MRO: variants seen among roughly 807,000 people sequenced by gnomAD.
MRO encodes maestro, also known as protein maestro.
MRO carries 28 observed loss-of-function variants against 31.0 expected under a neutral mutation model. That is an observed-to-expected ratio of 0.90 (90% CI 0.67 to 1.24). MRO has a LOEUF of 1.24. Among genes scored for constraint, MRO ranks in the 50% most tolerant of loss-of-function variants. The pLI, the probability that MRO is intolerant of heterozygous loss-of-function variation, is 0.00. For synonymous variants in MRO, 108 were observed against 108.4 expected (o/e 1.00, Z 0.02); for missense variants, 332 against 289.2 (o/e 1.15, Z -1.07).
Position 50,806,702 on chromosome 18 carries a change from A to T in MRO, c.246+2T>A. The T allele has an allele frequency of 6.2e-7, 1 of 1,614,008 alleles. No homozygotes were observed. On this transcript the variant is annotated splice_donor_variant, in intron 4 of 7. Transcript: ENST00000398439. LOFTEE classifies it high-confidence loss of function. ...TGGCTGAGCCCCACTCTCCTTCCCT[A>T]CCTTGTCAGGGGCTTCATAGGCCAT...
chr18:50,800,625 C>G (rs1468685986), intron 6 of MRO, among the ~76,000 whole-genome samples: 3 of 152,164 alleles, frequency 2.0e-5, no homozygotes, highest in African/African-American at 7.2e-5. Flanking sequence ...TGGCTCACGC[C>G]TATAATCCCA....
chr18:50,803,684 C>G (rs1913633086), intron 5 of MRO, among the ~76,000 whole-genome samples: 1 of 152,228 alleles, frequency 6.6e-6, no homozygotes, highest in Non-Finnish European at 1.5e-5. Flanking sequence ...GCAAAAATCC[C>G]TCTGTGTCTC....
At chr18:50,816,673 C>T (rs1036632972) in intron 2 of MRO, among the ~76,000 whole-genome samples, 9 of 149,616 alleles carry the variant, frequency 6.0e-5, no homozygotes, top group Admixed American at 2.7e-4. Context: ...AATATTTGTA[C>T]GCTTGCAACG....
Position 50,807,870 on chromosome 18 carries a change from G to A in MRO, c.100-1020C>T, listed in dbSNP as rs1345836962. Among the ~76,000 whole-genome samples the A allele has an allele frequency of 3.3e-5, 5 of 152,244 alleles. 1 individual carries two copies. The highest frequency in any genetic ancestry group is 5.9e-5 in the Non-Finnish European group (4 of 68,046). ...AGGCAGGCGGATCGCCTGAGGTCAG[G>A]AGTTCGAGACTAGCCTGGCCAACAT... is the stretch of plus-strand genomic sequence containing the variant. On this transcript the variant is annotated intron_variant, in intron 3 of 7. Coordinates refer to ENST00000398439, the MANE Select transcript of MRO (RefSeq NM_031939.6).
chr18:50,805,951 A>G (rs945783894), intron 4 of MRO, among the ~76,000 whole-genome samples: 14 of 151,400 alleles, frequency 9.2e-5, no homozygotes, highest in African/African-American at 1.7e-4. Context: ...TTTACATTGC[A>G]TAAGACTCTA....
rs771069303 is a variant in MRO, at chr18:50,800,051, C to T, written c.678G>A (p.Lys226=). 6 of 1,612,866 alleles carry T rather than the reference C, an allele frequency of 3.7e-6. No homozygotes were observed. In the South Asian group the frequency reaches 4.4e-5, roughly 12 times the overall value. ...FQSEEDQRNT[K]LYQQLSHYHP... Reference sequence around the variant, plus strand: ...GCTCACTCACCAGCTGCTGGTAGAGCTTAGTGTTCCTTTGATCTTCTTCAC... The same window carrying T: ...GCTCACTCACCAGCTGCTGGTAGAGTTTAGTGTTCCTTTGATCTTCTTCAC... Residue 226 remains lysine (K), a synonymous_variant, in exon 7 of 8, where the codon AAG becomes AAA. Coordinates refer to ENST00000398439, the MANE Select transcript of MRO (RefSeq NM_031939.6).
chr18:50,803,022 T>C (rs546584809), intron 5 of MRO, among the ~76,000 whole-genome samples: 3 of 152,002 alleles, frequency 2.0e-5, no homozygotes, highest in Non-Finnish European at 2.9e-5. Context: ...GTAAGACAGA[T>C]GCTCGCCCCG....
upstream of MRO, among the ~76,000 whole-genome samples, chr18:50,821,762 T>C (rs964172555): frequency 1.1e-4 from 17 of 152,226 alleles, 2 homozygotes; most frequent in Admixed American, 1.0e-3. Context: ...AGAACTAATA[T>C]GCAGATAAAT....
intron 3 of MRO, 40 bp from the exon 4 acceptor site, chr18:50,806,890 CAG>C: frequency 6.2e-7 from 1 of 1,601,036 alleles, no homozygotes; most frequent in South Asian, 1.1e-5. Context: ...TGGGAGTGTT[CAG>C]AGTCATACCA....
chr18:50,805,488 A>AT (rs1222825073), intron 4 of MRO, 152 bp from the exon 5 acceptor site: 13 of 644,528 alleles, frequency 2.0e-5, no homozygotes, highest in Non-Finnish European at 3.4e-5. Context: ...TAAAATACAA[A>AT]TGCTTCCATT....
In MRO at chr18:50,801,362, G is replaced by T. The variant is rs777638645; in HGVS notation, c.572C>A (p.Pro191His). The change falls in exon 6 of 8, where the codon CCC (proline) becomes CAC (histidine). Residue 191 changes from proline (P) to histidine (H), a missense_variant. By Grantham distance (77) the Pro-to-His change is moderately conservative. Coordinates refer to ENST00000398439, the MANE Select transcript of MRO (RefSeq NM_031939.6). Reference sequence around the variant, plus strand: ...TCAAGGTCTTACCTTGGCAACCTGGGGATTTCTGTCCTGTAAATGGATCAG... The same window carrying T: ...TCAAGGTCTTACCTTGGCAACCTGGTGATTTCTGTCCTGTAAATGGATCAG... ...SLLIHLQDRN[P>H]QVAKACKTTF... is the part of the protein sequence containing the mutation. 1 of 1,583,786 alleles carries T rather than the reference G, an allele frequency of 6.3e-7. No homozygotes were observed. Among genetic ancestry groups the T allele is most frequent in the East Asian group, 2.3e-5 (1 of 44,408 alleles).
chr18:50,802,499 G>A (rs1913438864), intron 5 of MRO, among the ~76,000 whole-genome samples: 2 of 152,114 alleles, frequency 1.3e-5, no homozygotes, highest in African/African-American at 4.8e-5. Flanking sequence ...GACTCATGGT[G>A]CACGGGTTTT....
At chr18:50,801,254 T>A in intron 6 of MRO, 95 bp downstream of exon 6, 1 of 1,126,200 alleles carries the variant, frequency 8.9e-7, no homozygotes, top group South Asian at 1.7e-5. Flanking sequence ...ACAGCAGTGC[T>A]GGCAGGAACC....
At chr18:50,821,001 A>G (rs1915281959), upstream of MRO, among the ~76,000 whole-genome samples, 1 of 152,234 alleles carries the variant, frequency 6.6e-6, no homozygotes, top group Admixed American at 6.5e-5. Context: ...TGAGGACACA[A>G]TTTCAATAGA....
At position 50,797,142 on chromosome 18, in the gene MRO, G is replaced by A. The variant is rs1402500847; in HGVS notation, c.*2195C>T. The stretch of plus-strand genomic sequence containing the variant: ...TGACACAGGCTTGATGGAGACGCTC[G>A]TCTCTTTTCCGTATGGTGTCAGCTG... On this transcript the variant is annotated 3_prime_UTR_variant, in exon 8 of 8. Coordinates refer to ENST00000398439, the MANE Select transcript of MRO (RefSeq NM_031939.6). 1.3e-5 allele frequency: 2 copies of A among 152,152 alleles called. No homozygotes were observed. The highest frequency in any genetic ancestry group is 2.9e-5 in the Non-Finnish European group (2 of 68,012). The allele number at this position is 152,152 out of a possible 1,614,324, so 9.4% of individuals were successfully genotyped here. A position where few individuals can be genotyped will look rare whatever the true frequency, so the allele number is the denominator to read the frequency against.
At chr18:50,810,393 A>G (rs1319381874) in intron 2 of MRO, among the ~76,000 whole-genome samples, 1 of 152,224 alleles carries the variant, frequency 6.6e-6, no homozygotes, top group East Asian at 1.9e-4. Context: ...GTGCAAATCC[A>G]TGTGTACAGT....
chr18:50,823,052 G>A (rs1268093497), upstream of MRO, among the ~76,000 whole-genome samples: 3 of 152,076 alleles, frequency 2.0e-5, no homozygotes, highest in Non-Finnish European at 4.4e-5. Flanking sequence ...CTACTCCTGC[G>A]CTTAGTGAAA....
Position 50,796,398 on chromosome 18 carries a change from T to TA in MRO, c.*2938dup, listed in dbSNP as rs10681213. The TA allele has an allele frequency of 0.35, 52,521 of 148,106 alleles. 10,218 individuals are homozygous for TA. The highest frequency in any genetic ancestry group is 0.46 in the Admixed American group (6,875 of 14,914). 9.2% of individuals were successfully genotyped at this position (148,106 alleles called of 1,614,324 possible). A position where few individuals can be genotyped will look rare whatever the true frequency, so the allele number is the denominator to read the frequency against. ...CTTCTGTAGTTTCAATCTAACAGGA[T>TA]AAAAAAAAAAACATAAAGCCATATA... On this transcript the variant is annotated 3_prime_UTR_variant, in exon 8 of 8. Transcript: ENST00000398439.
At chr18:50,803,494 G>C (rs149139724) in intron 5 of MRO, among the ~76,000 whole-genome samples, 4 of 150,768 alleles carry the variant, frequency 2.7e-5, no homozygotes, top group Non-Finnish European at 5.9e-5. Context: ...GCAATACAGC[G>C]AGACCCTGTC....
Sources: gnomAD v4.1 joint callset for allele counts (sites outside exome capture counted in the v4.1 genomes callset) on GRCh38, gnomAD v4.1.1 for gene constraint, MANE v1.5 for transcripts, NCBI Gene and HGNC (gene_info 2026-07-23, HGNC 2026-07-21) for gene names.